SLC44A1: variants seen among roughly 807,000 people sequenced by gnomAD.
The protein encoded by SLC44A1 is solute carrier family 44 member 1, also known as choline transporter-like protein 1.
A neutral mutation model predicts 79.3 loss-of-function variants in SLC44A1; 26 were observed. The ratio of observed to expected loss-of-function variants is 0.33; its 90% CI spans 0.24 to 0.46. The LOEUF (loss-of-function observed/expected upper bound fraction) is 0.46, where lower values mean the gene tolerates loss of function less well. Among genes scored for constraint, SLC44A1 ranks in the 20% least tolerant of loss-of-function variants. The pLI is 1.00. For synonymous variants in SLC44A1, 263 were observed against 286.2 expected, an observed-to-expected ratio of 0.92 and a Z score of 0.82; for missense variants, 688 against 798.1, an observed-to-expected ratio of 0.86 and a Z score of 1.66.
At chr9:105,359,493 C>G (rs1213098503) in intron 7 of SLC44A1, among the ~76,000 whole-genome samples, 1 of 152,102 alleles carries the variant, frequency 6.6e-6, no homozygotes, top group Non-Finnish European at 1.5e-5. Flanking sequence ...CTTTAAAACT[C>G]TAGATATGAA....
chr9:105,351,033 A>G (rs775402615), intron 5 of SLC44A1, among the ~76,000 whole-genome samples: 14 of 152,206 alleles, frequency 9.2e-5, no homozygotes, highest in Non-Finnish European at 1.8e-4. Flanking sequence ...ATAACTCTCT[A>G]TTGGTGAAAT....
intron 1 of SLC44A1, among the ~76,000 whole-genome samples, chr9:105,266,424 A>T (rs532419749): frequency 1.3e-5 from 2 of 152,270 alleles, no homozygotes; most frequent in South Asian, 4.1e-4. Flanking sequence ...TTTTATTCTA[A>T]AATTTTCTAG....
In SLC44A1 at chr9:105,394,409, G is replaced by A; in HGVS notation, c.*5353G>A. The A allele has an allele frequency of 7.6e-6, 7 of 925,358 alleles. No individual in the cohort carries two copies. Among genetic ancestry groups the A allele is most frequent in the Non-Finnish European group, 8.7e-6 (7 of 805,556 alleles). 57.3% of individuals were successfully genotyped at this position (925,358 alleles called of 1,614,324 possible). A position where few individuals can be genotyped will look rare whatever the true frequency, so the allele number is the denominator to read the frequency against. On this transcript the variant is annotated 3_prime_UTR_variant, in exon 16 of 16. Coordinates refer to ENST00000374720, the MANE Select transcript of SLC44A1 (RefSeq NM_080546.5). ...TAAGATTTTCTTTCCTTGGAGGTAT[G>A]AGGGTGTGTATGTGTGTGTGTGTGT...
rs1254660853 is a variant in SLC44A1 at position 105,389,882 on chromosome 9, G to A, written c.*826G>A. The A allele has an allele frequency of 6.6e-7, 1 of 1,509,054 alleles. No homozygotes were observed. Among genetic ancestry groups the A allele is most frequent in the South Asian group, 1.3e-5 (1 of 77,450 alleles). 93.5% of individuals were successfully genotyped at this position (1,509,054 alleles called of 1,614,324 possible). On this transcript the variant is annotated 3_prime_UTR_variant, in exon 16 of 16. Coordinates refer to ENST00000374720, the MANE Select transcript of SLC44A1 (RefSeq NM_080546.5). ...GGCACCCAGCGAGTTTAGCCTTTAA[G>A]TTTCTGTGTATTGATTTGCAGATTA...
intron 12 of SLC44A1, among the ~76,000 whole-genome samples, chr9:105,370,422 A>T (rs1247598292): frequency 1.3e-5 from 2 of 152,172 alleles, no homozygotes; most frequent in African/African-American, 4.8e-5. Flanking sequence ...CCATAGAAAT[A>T]TTGCCTTTTA....
intron 15 of SLC44A1, among the ~76,000 whole-genome samples, chr9:105,428,907 T>C (rs1028101282): frequency 6.6e-5 from 10 of 152,180 alleles, no homozygotes; most frequent in Non-Finnish European, 1.2e-4. Context: ...GGTTTCACCA[T>C]GTTGGCCAGG....
chr9:105,308,273 C>G (rs1283605010), intron 2 of SLC44A1, among the ~76,000 whole-genome samples: 1 of 152,174 alleles, frequency 6.6e-6, no homozygotes, highest in Non-Finnish European at 1.5e-5. Context: ...ACTATAATAG[C>G]TAAGACTTTA....
chr9:105,301,592 A>G (rs1339697840), intron 2 of SLC44A1, among the ~76,000 whole-genome samples: 1 of 152,178 alleles, frequency 6.6e-6, no homozygotes, highest in African/African-American at 2.4e-5. Context: ...ATTCTATAGT[A>G]CTTTTAAAAT....
intron 4 of SLC44A1, among the ~76,000 whole-genome samples, chr9:105,338,646 T>C (rs1013946314): frequency 2.0e-5 from 3 of 152,204 alleles, no homozygotes; most frequent in Non-Finnish European, 4.4e-5. Context: ...ACTCCTAGCC[T>C]TAAGCGATCC....
intron 15 of SLC44A1, among the ~76,000 whole-genome samples, chr9:105,430,460 C>A (rs1829378792): frequency 1.3e-5 from 2 of 152,066 alleles, no homozygotes; most frequent in Admixed American, 1.3e-4. Context: ...CCCTGGAAAC[C>A]ACTATTCTAC....
chr9:105,312,055 C>T (rs1232953068), intron 3 of SLC44A1, among the ~76,000 whole-genome samples: 1 of 152,168 alleles, frequency 6.6e-6, no homozygotes, highest in Admixed American at 6.5e-5. Context: ...TTCAGCCTAA[C>T]CTTGATCACT....
At chr9:105,385,933 C>G (rs1309504821) in intron 15 of SLC44A1, 1 of 985,300 alleles carries the variant, frequency 1.0e-6, no homozygotes, top group African/African-American at 1.7e-5. Flanking sequence ...TTCATACTCC[C>G]CCTTTTAAAA....
intron 9 of SLC44A1, 56 bp downstream of exon 9, chr9:105,363,063 T>A: frequency 7.6e-7 from 1 of 1,323,706 alleles, no homozygotes; most frequent in Non-Finnish European, 1.1e-6. Flanking sequence ...TTCCAGTATT[T>A]TAGAACATCA....
chr9:105,250,595 C>G (rs1358119644), intron 1 of SLC44A1, among the ~76,000 whole-genome samples: 1 of 152,098 alleles, frequency 6.6e-6, no homozygotes, highest in Non-Finnish European at 1.5e-5. Context: ...TTCTGTTGAT[C>G]TAAACTAGAA....
At chr9:105,372,875 G>A (rs1222837586) in intron 12 of SLC44A1, among the ~76,000 whole-genome samples, 2 of 149,052 alleles carry the variant, frequency 1.3e-5, no homozygotes, top group African/African-American at 2.4e-5. Flanking sequence ...GCGTGAACCC[G>A]GGAGGCGGAG....
At chr9:105,305,250 A>C (rs1040671991) in intron 2 of SLC44A1, among the ~76,000 whole-genome samples, 8 of 151,376 alleles carry the variant, frequency 5.3e-5, no homozygotes, top group Non-Finnish European at 1.0e-4. Flanking sequence ...AATTACAGGG[A>C]TGAACCACTG....
intron 12 of SLC44A1, among the ~76,000 whole-genome samples, chr9:105,368,865 C>T (rs12379533): frequency 0.025 from 3,730 of 152,048 alleles, 50 homozygotes; most frequent in Middle Eastern, 0.048. Context: ...TGGTGAAACC[C>T]CATCTCTACT....
chr9:105,397,019 T>G lies in SLC44A1; in HGVS notation c.*7963T>G. On this transcript the variant is annotated 3_prime_UTR_variant, in exon 16 of 16. Coordinates refer to ENST00000374720, the MANE Select transcript of SLC44A1 (RefSeq NM_080546.5). ...CAGTGCAGACTTTGCAGATGGAGCA[T>G]TATGCTCTCAGAGGACTTTAAAAAT... The G allele has an allele frequency of 1.0e-6, 1 of 985,268 alleles. No individual in the cohort carries two copies. Among genetic ancestry groups the G allele is most frequent in the South Asian group, 4.7e-5 (1 of 21,288 alleles). 61.0% of individuals were successfully genotyped at this position (985,268 alleles called of 1,614,324 possible).
At chr9:105,371,643 C>T (rs945862605) in intron 12 of SLC44A1, among the ~76,000 whole-genome samples, 8 of 142,832 alleles carry the variant, frequency 5.6e-5, no homozygotes, top group African/African-American at 1.3e-4. Flanking sequence ...GGTGTGAACC[C>T]GGGAGGCAGA....
Sources: gnomAD v4.1 joint callset for allele counts (sites outside exome capture counted in the v4.1 genomes callset) on GRCh38, gnomAD v4.1.1 for gene constraint, MANE v1.5 for transcripts, NCBI Gene and HGNC (gene_info 2026-07-23, HGNC 2026-07-21) for gene names.